The following FAM217B variants were observed in gnomAD, a reference collection of about 807,000 sequenced individuals.
The protein encoded by FAM217B is protein FAM217B.
For synonymous variants in FAM217B, 163 were observed against 173.0 expected (o/e 0.94, Z 0.45); for missense variants, 463 against 456.9 (o/e 1.01, Z -0.12).
Position 59,944,316 on chromosome 20 carries a change from G to T in FAM217B, c.373G>T (p.Val125Phe). 1 of 1,614,064 alleles carries T rather than the reference G, an allele frequency of 6.2e-7. No homozygotes were observed. The highest frequency in any genetic ancestry group is 8.5e-7 in the Non-Finnish European group (1 of 1,180,016). Residue 125 changes from valine (V) to phenylalanine (F), a missense_variant, in exon 4 of 4, where the codon GTT becomes TTT. Val to Phe is a conservative substitution (Grantham distance 50). Coordinates refer to ENST00000360816, the MANE Select transcript of FAM217B (RefSeq NM_022106.3). Reference sequence around the variant, plus strand: ...TCTTCGAGCTGAAGAAATTGATCCAGTTTACTTTGATCTTCACCCTGGTCA... The same window carrying T: ...TCTTCGAGCTGAAGAAATTGATCCATTTTACTTTGATCTTCACCCTGGTCA... The part of the protein sequence containing the change: ...LNLRAEEIDP[V>F]YFDLHPGQGH...
chr20:59,940,024 C>A (rs1419562907), upstream of FAM217B: 8 of 1,080,146 alleles, frequency 7.4e-6, no homozygotes, highest in Non-Finnish European at 9.5e-6. Flanking sequence ...CGCAGAGAGT[C>A]CACCGTATCT....
intron 3 of FAM217B, among the ~76,000 whole-genome samples, chr20:59,943,451 A>G (rs1396539518): frequency 6.6e-6 from 1 of 152,228 alleles, no homozygotes; most frequent in African/African-American, 2.4e-5. Flanking sequence ...ATCGCCACCA[A>G]TCAGTGATTA....
upstream of FAM217B, chr20:59,939,445 C>T: frequency 6.2e-7 from 1 of 1,611,576 alleles, no homozygotes; most frequent in Non-Finnish European, 8.5e-7. Flanking sequence ...GCGGCCTCGA[C>T]GGGCGGCGGG....
intron 1 of FAM217B, chr20:59,933,902 A>G (rs536271330): frequency 3.3e-5 from 5 of 152,178 alleles, no homozygotes; most frequent in South Asian, 2.1e-4. Flanking sequence ...CTCTCGCGCT[A>G]TGCTCTCCTG....
chr20:59,939,227 A>G (rs754531800), upstream of FAM217B: 2 of 1,610,678 alleles, frequency 1.2e-6, no homozygotes, highest in Non-Finnish European at 8.5e-7. Context: ...CGAAGGTGAA[A>G]ACGTCCTCCG....
In FAM217B at chr20:59,944,081, AAAACTT is replaced by A; in HGVS notation, c.142_147del (p.Leu48_Lys49del). On this transcript the variant is annotated inframe_deletion, in exon 4 of 4. Transcript: ENST00000360816. The stretch of plus-strand genomic sequence containing the variant: ...CAGCTGTCACCCAGCCTACTGAAGA[AAAACTT>A]AAAGAAAGCATTTCCCCGGAAGCAA... The A allele has an allele frequency of 6.2e-7, 1 of 1,614,238 alleles. No homozygotes were observed.
At chr20:59,936,519 G>A (rs149628333), upstream of FAM217B, 18 of 152,352 alleles carry the variant, frequency 1.2e-4, no homozygotes, top group African/African-American at 4.3e-4. Context: ...CCTGCACAGT[G>A]TCATTAACTG....
chr20:59,938,777 ACCCCACCACCCTG>A (rs2060877150), upstream of FAM217B: 1 of 349,852 alleles, frequency 2.9e-6, no homozygotes, highest in East Asian at 4.4e-5. Context: ...CCATGCACCT[ACCCCACCACCCTG>A]CCCCAACTCA....
At chr20:59,939,167 G>A, upstream of FAM217B, 2 of 1,611,374 alleles carry the variant, frequency 1.2e-6, no homozygotes, top group Non-Finnish European at 1.7e-6. Flanking sequence ...AGCGCACCGC[G>A]AAGTGCACGC....
rs1282861132 is a variant in FAM217B at position 59,944,256 on chromosome 20, A to C, written c.313A>C (p.Ile105Leu). ...TCTCTCTGATTCGGAAAGAATTCCCATTCCTCCTTCTCCCCTCACACCTCC... is the reference window on the plus strand; with the variant it reads ...TCTCTCTGATTCGGAAAGAATTCCCCTTCCTCCTTCTCCCCTCACACCTCC... ...SDLSDSERIPIPPSPLTPPDL... is the reference protein window; with the variant it reads ...SDLSDSERIPLPPSPLTPPDL... Residue 105 changes from isoleucine to leucine, a missense_variant, in exon 4 of 4, where the codon ATT becomes CTT. Coordinates refer to ENST00000360816, the MANE Select transcript of FAM217B (RefSeq NM_022106.3). 9.3e-6 allele frequency: 15 copies of C among 1,614,010 alleles called. No homozygotes were observed. Among genetic ancestry groups the C allele is most frequent in the African/African-American group, 1.3e-5 (1 of 74,898 alleles).
At chr20:59,939,103 G>A (rs17854472), upstream of FAM217B, 3 of 1,599,992 alleles carry the variant, frequency 1.9e-6, no homozygotes, top group East Asian at 4.5e-5. Context: ...CGACATGTGA[G>A]GCTGTAGTCT....
At position 59,946,726 on chromosome 20, in the gene FAM217B, A is replaced by G. The variant is rs906692990; in HGVS notation, c.*1631A>G. On this transcript the variant is annotated 3_prime_UTR_variant, in exon 4 of 4. Transcript: ENST00000360816. The stretch of plus-strand genomic sequence containing the variant: ...AAGCATACTTTTATGCTAAGATCTT[A>G]CTTTAAGCTTTTTATGTGAACAAAA... The G allele has an allele frequency of 6.0e-6, 1 of 167,070 alleles. No homozygotes were observed. Among genetic ancestry groups the G allele is most frequent in the African/African-American group, 2.4e-5 (1 of 41,452 alleles). 10.3% of individuals were successfully genotyped at this position (167,070 alleles called of 1,614,324 possible).
At position 59,944,747 on chromosome 20, in the gene FAM217B, T is replaced by C. The variant is rs774719192; in HGVS notation, c.804T>C (p.Pro268=). ...HPSHYAFETS[P]RPIDVLGGTR... is the part of the protein sequence containing the mutation. ...CACATTATGCATTTGAGACTTCCCCTAGACCCATTGATGTGCTTGGTGGTA... is the reference window on the plus strand; with the variant it reads ...CACATTATGCATTTGAGACTTCCCCCAGACCCATTGATGTGCTTGGTGGTA... The change falls in exon 4 of 4, where the codon CCT becomes CCC. Residue 268 remains proline, a synonymous_variant. Transcript: ENST00000360816. 2.5e-6 allele frequency: 4 copies of C among 1,614,186 alleles called. No homozygotes were observed. The highest frequency in any genetic ancestry group is 1.7e-6 in the Non-Finnish European group (2 of 1,180,032).
At chr20:59,940,030 T>G, upstream of FAM217B, 1 of 1,044,502 alleles carries the variant, frequency 9.6e-7, no homozygotes, top group Non-Finnish European at 1.2e-6. Context: ...GAGTCCACCG[T>G]ATCTGCAACC....
rs1324224245 is a variant in FAM217B at position 59,944,223 on chromosome 20, G to T, written c.280G>T (p.Ala94Ser). The T allele has an allele frequency of 1.2e-6, 2 of 1,614,180 alleles. No individual in the cohort carries two copies. Among genetic ancestry groups the T allele is most frequent in the Non-Finnish European group, 1.7e-6 (2 of 1,180,038 alleles). The part of the protein sequence containing the change: ...IIKENADEDS[A>S]SDLSDSERIP... ...TAAAGAGAATGCTGATGAGGACAGT[G>T]CAAGTGATCTCTCTGATTCGGAAAG... is the stretch of plus-strand genomic sequence containing the variant. The change falls in exon 4 of 4, where the codon GCA (alanine) becomes TCA (serine). Residue 94 changes from alanine to serine, a missense_variant. By Grantham distance (99) the Ala-to-Ser change is moderately conservative. Transcript: ENST00000360816.
Position 59,945,774 on chromosome 20 carries a change from G to A in FAM217B, c.*679G>A, listed in dbSNP as rs1439174089. 6.0e-6 allele frequency: 1 copy of A among 166,840 alleles called. No homozygotes were observed. Among genetic ancestry groups the A allele is most frequent in the African/African-American group, 2.4e-5 (1 of 41,348 alleles). The allele number at this position is 166,840 out of a possible 1,614,324, so 10.3% of individuals were successfully genotyped here. ...TGAGGGGCATTTTAAACTTAGAGGT[G>A]GTGGTAAAACCTACTTTTGAGTTCT... On this transcript the variant is annotated 3_prime_UTR_variant, in exon 4 of 4. Transcript: ENST00000360816.
upstream of FAM217B, chr20:59,938,721 C>T (rs964020748): frequency 7.3e-6 from 2 of 272,642 alleles, no homozygotes; most frequent in South Asian, 3.2e-4. Context: ...AGGACTTGGG[C>T]CTTTGCAAAA....
chr20:59,938,720 G>T (rs1228850630), upstream of FAM217B: 2 of 270,988 alleles, frequency 7.4e-6, no homozygotes, highest in Non-Finnish European at 1.4e-5. Flanking sequence ...GAGGACTTGG[G>T]CCTTTGCAAA....
upstream of FAM217B, chr20:59,939,479 G>A: frequency 1.2e-6 from 2 of 1,612,210 alleles, no homozygotes; most frequent in Non-Finnish European, 1.7e-6. Flanking sequence ...GGCAATGCAG[G>A]GTGAACTCCA....
Sources: gnomAD v4.1 joint callset for allele counts (sites outside exome capture counted in the v4.1 genomes callset) on GRCh38, gnomAD v4.1.1 for gene constraint, MANE v1.5 for transcripts, NCBI Gene and HGNC (gene_info 2026-07-23, HGNC 2026-07-21) for gene names.